LRRC7: variants seen among roughly 807,000 people sequenced by gnomAD.
LRRC7 encodes the protein leucine-rich repeat-containing protein 7.
A neutral mutation model predicts 175.7 loss-of-function variants in LRRC7; 23 were observed. The observed-to-expected ratio is 0.13, with a 90% CI of 0.09 to 0.19. The LOEUF (loss-of-function observed/expected upper bound fraction) is 0.19, where lower values mean the gene tolerates loss of function less well. LRRC7 is among the 10% of genes least tolerant of loss of function. The pLI is 1.00. For missense variants in LRRC7, 1,354 were observed against 1,904.7 expected, an observed-to-expected ratio of 0.71 and a Z score of 5.38; for synonymous variants, 685 against 680.9, an observed-to-expected ratio of 1.01 and a Z score of -0.09.
intron 1 of LRRC7, among the ~76,000 whole-genome samples, chr1:69,574,755 A>G (rs1645876092): frequency 6.6e-6 from 1 of 152,170 alleles, no homozygotes; most frequent in Non-Finnish European, 1.5e-5. Flanking sequence ...TTGGATGGAA[A>G]TATACCTTGG....
intron 1 of LRRC7, among the ~76,000 whole-genome samples, 170 bp downstream of exon 1, chr1:69,568,811 C>G (rs1376243250): frequency 1.3e-5 from 2 of 151,994 alleles, no homozygotes; most frequent in Non-Finnish European, 2.9e-5. Context: ...AGGGAGGCGG[C>G]GAAGATGTGG....
chr1:69,717,872 AAGAAAGAG>A (rs1557641688), intron 2 of LRRC7, among the ~76,000 whole-genome samples: 1 of 140,408 alleles, frequency 7.1e-6, no homozygotes, highest in East Asian at 2.1e-4. Context: ...GAAAGAAAGA[AAGAAAGAG>A]AGAAAAAGAG....
chr1:70,091,651 C>A (rs1183542762), intron 25 of LRRC7, among the ~76,000 whole-genome samples: 2 of 152,178 alleles, frequency 1.3e-5, no homozygotes, highest in Non-Finnish European at 2.9e-5. Flanking sequence ...GCCTGCAATT[C>A]TTCCACTGTG....
intron 1 of LRRC7, among the ~76,000 whole-genome samples, chr1:69,601,244 C>A (rs1293521691): frequency 6.6e-6 from 1 of 152,170 alleles, no homozygotes; most frequent in Non-Finnish European, 1.5e-5. Flanking sequence ...TGTGTGTATA[C>A]TAAAATGTAT....
chr1:69,568,717 G>T, intron 1 of LRRC7, 76 bp downstream of exon 1: 11 of 1,160,966 alleles, frequency 9.5e-6, no homozygotes, highest in Non-Finnish European at 1.2e-5. Flanking sequence ...CGCGCGAGGT[G>T]TGGGACCCCA....
At chr1:69,860,102 G>A (rs567104195) in intron 7 of LRRC7, among the ~76,000 whole-genome samples, 2 of 151,746 alleles carry the variant, frequency 1.3e-5, no homozygotes, top group Non-Finnish European at 2.9e-5. Flanking sequence ...TCTCATCAGG[G>A]TTTTTGTTTT....
At chr1:69,869,649 C>T (rs937372367) in intron 7 of LRRC7, among the ~76,000 whole-genome samples, 7 of 152,030 alleles carry the variant, frequency 4.6e-5, no homozygotes, top group Non-Finnish European at 7.4e-5. Context: ...AGAAAACCAA[C>T]ATTTATGGGA....
chr1:69,899,840 T>A (rs1010379706), intron 7 of LRRC7, among the ~76,000 whole-genome samples: 2 of 152,142 alleles, frequency 1.3e-5, no homozygotes, highest in Admixed American at 6.6e-5. Flanking sequence ...TCTTGGAGTG[T>A]ACAACAAGAA....
chr1:69,726,431 A>G (rs1290298575), intron 2 of LRRC7, among the ~76,000 whole-genome samples: 1 of 152,202 alleles, frequency 6.6e-6, no homozygotes, highest in African/African-American at 2.4e-5. Context: ...CAATAGTTGT[A>G]TTGATGTCAT....
rs1331785848 is a variant in LRRC7 at position 70,128,128 on chromosome 1, A to C, written c.*6241A>C. On this transcript the variant is annotated 3_prime_UTR_variant, in exon 27 of 27. Transcript: ENST00000651989. The stretch of plus-strand genomic sequence containing the variant: ...AGGTGCGTGCCACCACACTGGGCTA[A>C]TTTTTGTATTTTTAGTAGGGACAGG... Among the ~76,000 whole-genome samples, 5 of 151,962 alleles carry C rather than the reference A, an allele frequency of 3.3e-5. No individual in the cohort carries two copies. Among genetic ancestry groups the C allele is most frequent in the Non-Finnish European group, 5.9e-5 (4 of 67,984 alleles).
rs183612159 is a variant in LRRC7, at chr1:70,069,728, A to G, written c.4231-6349A>G. The stretch of plus-strand genomic sequence containing the variant: ...ACCCCTTTCTCTTCTCCTCATGATA[A>G]CATGATTATTAGAACTTTTGTATAG... On this transcript the variant is annotated intron_variant, in intron 23 of 26. Coordinates refer to ENST00000651989, the MANE Select transcript of LRRC7 (RefSeq NM_001370785.2). 4.6e-5 allele frequency among the ~76,000 whole-genome samples: 7 copies of G among 152,282 alleles called. No homozygotes were observed. The East Asian group carries it at 9.6e-4, about 21-fold the overall frequency.
At chr1:69,756,638 G>T (rs548884012) in intron 2 of LRRC7, among the ~76,000 whole-genome samples, 261 of 151,894 alleles carry the variant, frequency 1.7e-3, no homozygotes, top group Non-Finnish European at 3.4e-3. Context: ...TTTCTGACAT[G>T]CAAGTCCTCA....
intron 7 of LRRC7, among the ~76,000 whole-genome samples, chr1:69,922,607 T>A (rs1025988947): frequency 2.6e-5 from 4 of 152,140 alleles, no homozygotes; most frequent in Non-Finnish European, 2.9e-5. Context: ...TTTTGAGTGA[T>A]AAATGGGTAA....
At chr1:69,697,161 G>A (rs1466232485) in intron 2 of LRRC7, among the ~76,000 whole-genome samples, 1 of 152,040 alleles carries the variant, frequency 6.6e-6, no homozygotes, top group Non-Finnish European at 1.5e-5. Flanking sequence ...TTCCTCCAAA[G>A]TAATCAACTA....
chr1:69,922,030 A>G (rs1428093285), intron 7 of LRRC7, among the ~76,000 whole-genome samples: 1 of 152,094 alleles, frequency 6.6e-6, no homozygotes, highest in Non-Finnish European at 1.5e-5. Context: ...GATTCAAGCA[A>G]TTCTCCTGCC....
chr1:69,635,032 T>C (rs975248712), intron 1 of LRRC7, among the ~76,000 whole-genome samples: 2 of 152,086 alleles, frequency 1.3e-5, no homozygotes, highest in African/African-American at 4.8e-5. Flanking sequence ...ACAGATTATT[T>C]CATCAGGCTA....
At chr1:69,573,772 A>G (rs1252180132) in intron 1 of LRRC7, among the ~76,000 whole-genome samples, 1 of 152,182 alleles carries the variant, frequency 6.6e-6, no homozygotes, top group South Asian at 2.1e-4. Context: ...TCATTGCTTA[A>G]TAAACTACTT....
chr1:69,864,832 T>C (rs1310441705), intron 7 of LRRC7, among the ~76,000 whole-genome samples: 1 of 152,176 alleles, frequency 6.6e-6, no homozygotes, highest in Non-Finnish European at 1.5e-5. Flanking sequence ...ACGCTGAATA[T>C]TTAAGCCAGT....
intron 25 of LRRC7, among the ~76,000 whole-genome samples, chr1:70,105,218 A>G (rs1201167558): frequency 1.3e-5 from 2 of 152,160 alleles, no homozygotes; most frequent in Non-Finnish European, 2.9e-5. Context: ...AGCCTTATTT[A>G]ACTGTCTTTT....
Sources: allele counts gnomAD v4.1 joint callset (sites outside exome capture counted in the v4.1 genomes callset), GRCh38; gene constraint gnomAD v4.1.1; transcripts MANE v1.5; gene names NCBI Gene and HGNC (gene_info 2026-07-23, HGNC 2026-07-21).